The following UPF3A variants were observed in gnomAD, a reference collection of about 807,000 sequenced individuals.
UPF3A encodes UPF3A regulator of nonsense mediated mRNA decay, also known as regulator of nonsense transcripts 3A.
A neutral mutation model predicts 53.5 loss-of-function variants in UPF3A; 42 were observed. The ratio of observed to expected loss-of-function variants is 0.78; its 90% CI spans 0.61 to 1.01. The LOEUF (loss-of-function observed/expected upper bound fraction) is 1.01. Ranked by LOEUF, UPF3A falls within the 50% of genes least tolerant of loss-of-function variation. The pLI, the probability that UPF3A is intolerant of heterozygous loss-of-function variation, is 0.00. For missense variants in UPF3A, 575 were observed against 598.0 expected (o/e 0.96, Z 0.40); for synonymous variants, 237 against 225.3 (o/e 1.05, Z -0.47).
intron 7 of UPF3A, among the ~76,000 whole-genome samples, chr13:114,294,077 C>G (rs1366035809): frequency 1.3e-5 from 2 of 152,046 alleles, no homozygotes; most frequent in Admixed American, 6.5e-5. Flanking sequence ...AGCCACCATG[C>G]CTGGCCTGGT....
intron 3 of UPF3A, 148 bp from the exon 4 acceptor site, chr13:114,286,154 C>T: frequency 1.1e-5 from 11 of 1,022,066 alleles, no homozygotes; most frequent in African/African-American, 1.6e-5. Context: ...TTTTTTTAAT[C>T]TCTTACTGGA....
rs371652953 is a variant in UPF3A at position 114,289,516 on chromosome 13, C to G, written c.632-1973C>G. Reference sequence around the variant, plus strand: ...TCCAGCCTGGCGACAAAGTAAGACTCCATCTCAAAAAAAAAAAAAAAAAAA... The same window carrying G: ...TCCAGCCTGGCGACAAAGTAAGACTGCATCTCAAAAAAAAAAAAAAAAAAA... On this transcript the variant is annotated intron_variant, in intron 5 of 9. Transcript: ENST00000375299. 4.3e-3 allele frequency among the ~76,000 whole-genome samples: 590 copies of G among 136,992 alleles called. 8 individuals carry two copies. Among genetic ancestry groups the G allele is most frequent in the African/African-American group, 0.013 (480 of 36,632 alleles). 89.9% of individuals were successfully genotyped at this position (136,992 alleles called of 152,430 possible). A position where few individuals can be genotyped will look rare whatever the true frequency, so the allele number is the denominator to read the frequency against.
chr13:114,300,537 TTTTG>T (rs1161318805), intron 8 of UPF3A, among the ~76,000 whole-genome samples: 2 of 125,482 alleles, frequency 1.6e-5, no homozygotes, highest in Non-Finnish European at 1.6e-5. Context: ...CCTGGCTAAT[TTTTG>T]TTTTTTTTTT....
chr13:114,304,704 C>T (rs1437680968), intron 9 of UPF3A, 85 bp from the exon 10 acceptor site: 2 of 1,518,580 alleles, frequency 1.3e-6, no homozygotes, highest in African/African-American at 2.8e-5. Flanking sequence ...CAATTCATAT[C>T]ATCAAGTTCT....
At chr13:114,298,690 C>G in intron 7 of UPF3A, 150 bp from the exon 8 acceptor site, 1 of 804,168 alleles carries the variant, frequency 1.2e-6, no homozygotes, top group Non-Finnish European at 1.8e-6. Flanking sequence ...CGTATTAAAC[C>G]AAAAACCTCA....
rs2086628836 is a variant in UPF3A at position 114,301,745 on chromosome 13, G to C, written c.1022G>C (p.Ser341Thr). The change falls in exon 9 of 10, where the codon AGT becomes ACT. Residue 341 changes from serine to threonine, a missense_variant. Coordinates refer to ENST00000375299, the MANE Select transcript of UPF3A (RefSeq NM_023011.4). ...TTGAATCATAGGTCACACAGCGGCAGTGATAAAGAGCACAGGGATGTGGAG... is the reference window on the plus strand; with the variant it reads ...TTGAATCATAGGTCACACAGCGGCACTGATAAAGAGCACAGGGATGTGGAG... ...EEPQETSHSG[S>T]DKEHRDVERS... is the part of the protein sequence containing the mutation. 1 of 1,612,060 alleles carries C rather than the reference G, an allele frequency of 6.2e-7. No individual in the cohort carries two copies. Among genetic ancestry groups the C allele is most frequent in the African/African-American group, 1.3e-5 (1 of 74,880 alleles).
At chr13:114,304,198 A>T (rs74116891) in intron 9 of UPF3A, among the ~76,000 whole-genome samples, 4,273 of 152,268 alleles carry the variant, frequency 0.028, 209 homozygotes, top group African/African-American at 0.098. Context: ...CCCCATCAGG[A>T]GGAATTGTGC....
intron 3 of UPF3A, chr13:114,283,213 T>G (rs2084305636): frequency 3.6e-6 from 1 of 277,508 alleles, no homozygotes; most frequent in African/African-American, 2.4e-5. Flanking sequence ...GAGACGGGGG[T>G]CTCACTGTGT....
rs1435877395 is a variant in UPF3A at position 114,305,581 on chromosome 13, T to C, written c.*664T>C. ...GTAACCATTACGGTTTAAACCATGG[T>C]TTAAGAATTTGCCCAAATAACAGAA... On this transcript the variant is annotated 3_prime_UTR_variant, in exon 10 of 10. Transcript: ENST00000375299. 1.3e-5 allele frequency: 2 copies of C among 153,418 alleles called. No individual in the cohort carries two copies. Among genetic ancestry groups the C allele is most frequent in the Non-Finnish European group, 2.9e-5 (2 of 68,618 alleles). The allele number at this position is 153,418 out of a possible 1,614,324, so 9.5% of individuals were successfully genotyped here.
At chr13:114,303,225 A>G (rs1479731879) in intron 9 of UPF3A, among the ~76,000 whole-genome samples, 1 of 152,184 alleles carries the variant, frequency 6.6e-6, no homozygotes, top group African/African-American at 2.4e-5. Flanking sequence ...GGGGTGCACA[A>G]AGTACAGCCA....
intron 3 of UPF3A, 139 bp downstream of exon 3, chr13:114,283,082 G>A: frequency 3.1e-6 from 2 of 653,044 alleles, no homozygotes; most frequent in Non-Finnish European, 2.5e-6. Context: ...GAGTGCAGCA[G>A]CCGCAATCAC....
At chr13:114,281,899 T>TGGAGGGAGGGGAGGGCGG in intron 1 of UPF3A, 53 bp downstream of exon 1, 1 of 621,150 alleles carries the variant, frequency 1.6e-6, no homozygotes, top group East Asian at 3.4e-5. Flanking sequence ...CGGCCCTGAG[T>TGGAGGGAGGGGAGGGCGG]GGAGGGAGGG....
chr13:114,283,483 T>TCATCTGTGTAATAGTGACA (rs2084341647), intron 3 of UPF3A: 4 of 152,448 alleles, frequency 2.6e-5, no homozygotes, highest in Non-Finnish European at 5.9e-5. Flanking sequence ...AGCCTATTTA[T>TCATCTGTGTAATAGTGACA]GTATTATCAT....
intron 7 of UPF3A, among the ~76,000 whole-genome samples, chr13:114,293,984 A>G (rs192637072): frequency 1.0e-3 from 154 of 152,090 alleles, no homozygotes; most frequent in Middle Eastern, 3.4e-3. Flanking sequence ...GGTTCCCACT[A>G]TATTGCCCAG....
intron 5 of UPF3A, among the ~76,000 whole-genome samples, chr13:114,288,815 A>G (rs1049357724): frequency 1.3e-5 from 2 of 152,198 alleles, no homozygotes; most frequent in African/African-American, 2.4e-5. Context: ...ACACAAGGGA[A>G]CATGAGGGTA....
chr13:114,285,998 C>T (rs2084646128), intron 3 of UPF3A: 2 of 317,316 alleles, frequency 6.3e-6, no homozygotes, highest in African/African-American at 4.3e-5. Flanking sequence ...TTTTGAACAA[C>T]TTCAGTTATG....
chr13:114,287,458 GT>G (rs2084820365), intron 5 of UPF3A: 2 of 151,736 alleles, frequency 1.3e-5, no homozygotes, highest in East Asian at 3.9e-4. Flanking sequence ...GGGCATGGTG[GT>G]GCGTGCCTAT....
At chr13:114,298,217 C>A (rs574598024) in intron 7 of UPF3A, among the ~76,000 whole-genome samples, 4 of 151,760 alleles carry the variant, frequency 2.6e-5, no homozygotes, top group Non-Finnish European at 4.4e-5. Context: ...ACTAAAAATA[C>A]AAAAAATTAG....
rs769713957 is a variant in UPF3A, at chr13:114,304,949, G to A, written c.*32G>A. 75 of 1,600,942 alleles carry A rather than the reference G, an allele frequency of 4.7e-5. No homozygotes were observed. Among genetic ancestry groups the A allele is most frequent in the Non-Finnish European group, 6.0e-5 (71 of 1,173,912 alleles). On this transcript the variant is annotated 3_prime_UTR_variant, in exon 10 of 10. Transcript: ENST00000375299. ...GCACGCACCTGGCCTCCATGGACGA[G>A]CAAGGGCATCCCAGAAACGTGTAAA... is the stretch of plus-strand genomic sequence containing the variant.
Sources: gnomAD v4.1 joint callset for allele counts (sites outside exome capture counted in the v4.1 genomes callset) on GRCh38, gnomAD v4.1.1 for gene constraint, MANE v1.5 for transcripts, NCBI Gene and HGNC (gene_info 2026-07-23, HGNC 2026-07-21) for gene names.